Variants in TMPRSS11A observed in about 807,000 individuals in gnomAD.
TMPRSS11A encodes transmembrane serine protease 11A.
TMPRSS11A carries 53 observed loss-of-function variants against 58.9 expected under a neutral mutation model. The ratio of observed to expected loss-of-function variants is 0.90; its 90% CI spans 0.72 to 1.13. The LOEUF is 1.13. Ranked by LOEUF, TMPRSS11A falls within the 50% of genes most tolerant of loss-of-function variation. The pLI is 0.00. For missense variants in TMPRSS11A, 493 were observed against 499.3 expected, an observed-to-expected ratio of 0.99 and a Z score of 0.12; for synonymous variants, 167 against 169.8, an observed-to-expected ratio of 0.98 and a Z score of 0.13.
intron 2 of TMPRSS11A, 100 bp downstream of exon 2, chr4:67,946,350 A>C (rs1441394359): frequency 4.0e-6 from 5 of 1,249,066 alleles, no homozygotes; most frequent in African/African-American, 1.5e-5. Flanking sequence ...ATTTGAAGGT[A>C]AATGTGCAAT....
chr4:67,930,952 A>G (rs1162706048), intron 4 of TMPRSS11A, among the ~76,000 whole-genome samples: 1 of 151,730 alleles, frequency 6.6e-6, no homozygotes, highest in African/African-American at 2.4e-5. Flanking sequence ...ATAAAGATCT[A>G]AATAACTAGA....
chr4:67,925,060 C>T (rs1720430792), intron 5 of TMPRSS11A, among the ~76,000 whole-genome samples: 1 of 145,756 alleles, frequency 6.9e-6, no homozygotes, highest in African/African-American at 2.6e-5. Flanking sequence ...GCTTTTTAAA[C>T]ACAGTTCCTA....
At chr4:67,925,907 A>T (rs1392179229) in intron 5 of TMPRSS11A, among the ~76,000 whole-genome samples, 1 of 152,198 alleles carries the variant, frequency 6.6e-6, no homozygotes, top group African/African-American at 2.4e-5. Flanking sequence ...CTGGAAACAA[A>T]CTGTCAATAC....
Position 67,910,775 on chromosome 4 carries a change from T to C in TMPRSS11A, c.*567A>G, listed in dbSNP as rs935373903. The C allele has an allele frequency of 1.4e-4, 21 of 152,214 alleles. No individual in the cohort carries two copies. The highest frequency in any genetic ancestry group is 5.1e-4 in the African/African-American group (21 of 41,546). 9.4% of individuals were successfully genotyped at this position (152,214 alleles called of 1,614,324 possible). ...TAACTAAAAAAAGTTAGAAGATCTCTGGCTTGTTTTACTATCAGACTTTGT... is the reference window on the plus strand; with the variant it reads ...TAACTAAAAAAAGTTAGAAGATCTCCGGCTTGTTTTACTATCAGACTTTGT... On this transcript the variant is annotated 3_prime_UTR_variant, in exon 10 of 10. Coordinates refer to ENST00000508048, the MANE Select transcript of TMPRSS11A (RefSeq NM_001114387.2).
At chr4:67,920,989 T>C (rs919503475) in intron 7 of TMPRSS11A, among the ~76,000 whole-genome samples, 3 of 152,126 alleles carry the variant, frequency 2.0e-5, no homozygotes, top group Non-Finnish European at 4.4e-5. Context: ...TCACTTATGG[T>C]TTGGATATTC....
chr4:67,911,217 G>T lies in TMPRSS11A; in HGVS notation c.*125C>A. The stretch of plus-strand genomic sequence containing the variant: ...AAAGTGATTCTAAATAACTTACGTT[G>T]TGTGTTTCATGTTACTAGATCCAGT... On this transcript the variant is annotated 3_prime_UTR_variant, in exon 10 of 10. Coordinates refer to ENST00000508048, the MANE Select transcript of TMPRSS11A (RefSeq NM_001114387.2). 1 of 797,410 alleles carries T rather than the reference G, an allele frequency of 1.3e-6. No individual in the cohort carries two copies. Among genetic ancestry groups the T allele is most frequent in the Non-Finnish European group, 1.9e-6 (1 of 518,642 alleles). The allele number at this position is 797,410 out of a possible 1,614,324, so 49.4% of individuals were successfully genotyped here.
chr4:67,948,036 A>G (rs1721067380), intron 1 of TMPRSS11A, among the ~76,000 whole-genome samples: 1 of 151,878 alleles, frequency 6.6e-6, no homozygotes, highest in South Asian at 2.1e-4. Context: ...CTTTATGTGT[A>G]TATATTGATA....
chr4:67,952,725 T>C (rs537747040), intron 1 of TMPRSS11A, among the ~76,000 whole-genome samples: 13 of 152,340 alleles, frequency 8.5e-5, no homozygotes, highest in African/African-American at 3.1e-4. Flanking sequence ...TTTTCTATGC[T>C]TCCAAATATT....
intron 1 of TMPRSS11A, among the ~76,000 whole-genome samples, chr4:67,954,255 G>T (rs560977522): frequency 6.6e-6 from 1 of 152,272 alleles, no homozygotes; most frequent in Admixed American, 6.5e-5. Context: ...GAGGCTGAAG[G>T]GGACTGAGAG....
intron 1 of TMPRSS11A, among the ~76,000 whole-genome samples, chr4:67,948,410 G>A (rs754904850): frequency 3.3e-5 from 5 of 151,954 alleles, no homozygotes; most frequent in Admixed American, 1.3e-4. Flanking sequence ...CACCCACCTC[G>A]GCCTCCCAAA....
rs140937812 is a variant in TMPRSS11A at position 67,922,860 on chromosome 4, G to T, written c.587C>A (p.Ala196Glu). 5 of 1,613,978 alleles carry T rather than the reference G, an allele frequency of 3.1e-6. No individual in the cohort carries two copies. Among genetic ancestry groups the T allele is most frequent in the East Asian group, 2.2e-5 (1 of 44,882 alleles). Residue 196 changes from alanine (A) to glutamate (E), a missense_variant, in exon 7 of 10, where the codon GCG becomes GAG. Physicochemically the swap from Ala to Glu is moderately radical, Grantham distance 107. Transcript: ENST00000508048. ...AAGGGAAGCTTGCCAAGGCCAGGCCGCCTTGGGTGCAATGACTCCAGATGC... is the reference window on the plus strand; with the variant it reads ...AAGGGAAGCTTGCCAAGGCCAGGCCTCCTTGGGTGCAATGACTCCAGATGC... The part of the protein sequence containing the change: ...RIASGVIAPK[A>E]AWPWQASLQY...
intron 1 of TMPRSS11A, among the ~76,000 whole-genome samples, chr4:67,952,753 C>A (rs1023133064): frequency 1.3e-5 from 2 of 152,146 alleles, no homozygotes; most frequent in Non-Finnish European, 2.9e-5. Flanking sequence ...TGTTTTAATT[C>A]TTGATATGTT....
rs755288825 is a variant in TMPRSS11A, at chr4:67,911,491, C to G, written c.1108G>C (p.Gly370Arg). The change falls in exon 10 of 10, where the codon GGA becomes CGA. Residue 370 changes from glycine (G) to arginine (R), a missense_variant. Coordinates refer to ENST00000508048, the MANE Select transcript of TMPRSS11A (RefSeq NM_001114387.2). The part of the protein sequence containing the change: ...IYDACRGDSG[G>R]PLVTRDLKDT... ...TTCAGATCCCTTGTGACTAAAGGTC[C>G]CCCAGAATCACCCTAAAAATAAAAA... 2.5e-6 allele frequency: 4 copies of G among 1,607,690 alleles called. No individual in the cohort carries two copies. The highest frequency in any genetic ancestry group is 3.4e-6 in the Non-Finnish European group (4 of 1,177,786).
rs530085196 is a variant in TMPRSS11A at position 67,931,925 on chromosome 4, G to C, written c.320+68C>G. On this transcript the variant is annotated intron_variant, in intron 4 of 9. Coordinates refer to ENST00000508048, the MANE Select transcript of TMPRSS11A (RefSeq NM_001114387.2). Reference sequence around the variant, plus strand: ...GTCCATGGAGACATACAATACATGAGAGTCCCTGTCTCCTTTGTTCCTTTT... The same window carrying C: ...GTCCATGGAGACATACAATACATGACAGTCCCTGTCTCCTTTGTTCCTTTT... 15 of 916,766 alleles carry C rather than the reference G, an allele frequency of 1.6e-5. 1 individual carries two copies. The highest frequency in any genetic ancestry group is 1.2e-4 in the South Asian group (9 of 72,888). 56.8% of individuals were successfully genotyped at this position (916,766 alleles called of 1,614,324 possible).
chr4:67,930,742 C>A (rs1317737173), intron 4 of TMPRSS11A, among the ~76,000 whole-genome samples: 4 of 126,416 alleles, frequency 3.2e-5, no homozygotes, highest in African/African-American at 1.2e-4. Context: ...AAAGCAATTA[C>A]AGGTTTTTGT....
At chr4:67,950,939 C>T (rs1272868369) in intron 1 of TMPRSS11A, among the ~76,000 whole-genome samples, 1 of 152,196 alleles carries the variant, frequency 6.6e-6, no homozygotes, top group African/African-American at 2.4e-5. Flanking sequence ...GAAAGAGCCC[C>T]TGGTGAGGTG....
At chr4:67,931,524 T>C (rs1474291225) in intron 4 of TMPRSS11A, among the ~76,000 whole-genome samples, 2 of 152,186 alleles carry the variant, frequency 1.3e-5, no homozygotes, top group African/African-American at 4.8e-5. Context: ...AACAGGAATA[T>C]CTTTTTGTTT....
chr4:67,953,986 G>A (rs1441879698), intron 1 of TMPRSS11A, among the ~76,000 whole-genome samples: 1 of 152,138 alleles, frequency 6.6e-6, no homozygotes, highest in African/African-American at 2.4e-5. Flanking sequence ...GTGGAGCAAA[G>A]AGGGAATTGC....
intron 8 of TMPRSS11A, among the ~76,000 whole-genome samples, chr4:67,917,085 T>TAAAA (rs1720178857): frequency 6.6e-6 from 1 of 152,086 alleles, no homozygotes; most frequent in African/African-American, 2.4e-5. Flanking sequence ...TAATCAGCTT[T>TAAAA]TTATTTATCA....
Sources: allele counts gnomAD v4.1 joint callset (sites outside exome capture counted in the v4.1 genomes callset), GRCh38; gene constraint gnomAD v4.1.1; transcripts MANE v1.5; gene names NCBI Gene and HGNC (gene_info 2026-07-23, HGNC 2026-07-21).